Variants in NR2C2 observed in about 807,000 individuals in gnomAD.
The protein encoded by NR2C2 is nuclear receptor subfamily 2 group C member 2.
A neutral mutation model predicts 62.9 loss-of-function variants in NR2C2; 6 were observed. The ratio of observed to expected loss-of-function variants is 0.10; its 90% CI spans 0.05 to 0.19. NR2C2 has a LOEUF of 0.19. NR2C2 is among the 10% of genes least tolerant of loss of function. The probability of loss-of-function intolerance (pLI) is 1.00; values close to 1 mark genes in which losing one functional copy is unlikely to be tolerated. For synonymous variants in NR2C2, 272 were observed against 273.8 expected (o/e 0.99, Z 0.07); for missense variants, 479 against 762.7 (o/e 0.63, Z 4.38).
intron 13 of NR2C2, among the ~76,000 whole-genome samples, chr3:15,039,843 A>G (rs1289605652): frequency 6.6e-6 from 1 of 152,242 alleles, no homozygotes; most frequent in Non-Finnish European, 1.5e-5. Flanking sequence ...ATTAATGTGC[A>G]GTAAAAATAT....
At chr3:15,025,582 C>T (rs2041801666) in intron 7 of NR2C2, 1 of 152,220 alleles carries the variant, frequency 6.6e-6, no homozygotes, top group Admixed American at 6.5e-5. Context: ...ATATGCAAAG[C>T]ACCCACAGGA....
chr3:14,973,618 A>G (rs1171199703), intron 1 of NR2C2, among the ~76,000 whole-genome samples: 1 of 152,184 alleles, frequency 6.6e-6, no homozygotes, highest in East Asian at 1.9e-4. Context: ...GTATTGTATA[A>G]GGAGTCTGAC....
intron 7 of NR2C2, 45 bp from the exon 8 acceptor site, chr3:15,028,541 G>A: frequency 6.3e-7 from 1 of 1,587,934 alleles, no homozygotes; most frequent in Non-Finnish European, 8.6e-7. Flanking sequence ...AGAGTCATTT[G>A]CGTATCTGTG....
rs534417199 is a variant in NR2C2, at chr3:15,038,529, C to T, written c.1510+392C>T. On this transcript the variant is annotated intron_variant, in intron 12 of 13. Transcript: ENST00000425241. ...CACATTGAAGTTCCACTTGTTTGCC[C>T]ACAGACTGTGTATAGCACTGCAGAG... is the stretch of plus-strand genomic sequence containing the variant. 1.1e-4 allele frequency: 19 copies of T among 169,854 alleles called. No individual in the cohort carries two copies. In the South Asian group the frequency reaches 3.0e-3, roughly 27 times the overall value. 10.5% of individuals were successfully genotyped at this position (169,854 alleles called of 1,614,324 possible).
chr3:14,997,807 A>G (rs1366233924), intron 1 of NR2C2, among the ~76,000 whole-genome samples: 1 of 152,236 alleles, frequency 6.6e-6, no homozygotes, highest in Non-Finnish European at 1.5e-5. Flanking sequence ...TTCACATACC[A>G]TAAAATTCAT....
intron 1 of NR2C2, among the ~76,000 whole-genome samples, chr3:14,964,360 T>C (rs1284859061): frequency 6.6e-6 from 1 of 152,198 alleles, no homozygotes; most frequent in African/African-American, 2.4e-5. Context: ...TAAGGAATAA[T>C]TGCAAAGCAA....
At chr3:14,990,102 T>C (rs2040627542) in intron 1 of NR2C2, among the ~76,000 whole-genome samples, 1 of 152,098 alleles carries the variant, frequency 6.6e-6, no homozygotes, top group South Asian at 2.1e-4. Flanking sequence ...AGACCTTGTC[T>C]TTATTTAATA....
chr3:14,987,454 ATCAT>A (rs1204950066), intron 1 of NR2C2, among the ~76,000 whole-genome samples: 1 of 152,222 alleles, frequency 6.6e-6, no homozygotes, highest in Admixed American at 6.5e-5. Context: ...AGAAAATAAG[ATCAT>A]TCATACTGCT....
intron 1 of NR2C2, among the ~76,000 whole-genome samples, chr3:14,998,242 C>T (rs906398174): frequency 6.6e-6 from 1 of 152,130 alleles, no homozygotes. Flanking sequence ...TGTATACAAG[C>T]TTTTGTGTAG....
At chr3:14,995,048 A>T (rs1283575971) in intron 1 of NR2C2, among the ~76,000 whole-genome samples, 2 of 138,486 alleles carry the variant, frequency 1.4e-5, no homozygotes, top group African/African-American at 5.5e-5. Context: ...TTGCACAATC[A>T]TAGCTCACTG....
intron 1 of NR2C2, among the ~76,000 whole-genome samples, chr3:15,002,888 C>T (rs1184028802): frequency 6.6e-6 from 1 of 151,278 alleles, no homozygotes; most frequent in Non-Finnish European, 1.5e-5. Context: ...TAACTCCTGA[C>T]CTCAAGTGAT....
intron 1 of NR2C2, among the ~76,000 whole-genome samples, chr3:14,976,589 TCTTC>T (rs1240993071): frequency 1.3e-4 from 19 of 146,360 alleles, no homozygotes; most frequent in Admixed American, 6.8e-5. Flanking sequence ...CTTGAGTCTG[TCTTC>T]CTTCCTTCCT....
chr3:14,956,577 T>G, intron 1 of NR2C2, among the ~76,000 whole-genome samples: 1 of 152,184 alleles, frequency 6.6e-6, no homozygotes, highest in East Asian at 1.9e-4. Flanking sequence ...GAGTTTTACT[T>G]TTGTTGCCCA....
At chr3:14,974,736 T>TG (rs1206558609) in intron 1 of NR2C2, among the ~76,000 whole-genome samples, 1 of 152,036 alleles carries the variant, frequency 6.6e-6, no homozygotes, top group Non-Finnish European at 1.5e-5. Flanking sequence ...CCCAAGTAGC[T>TG]GGGATTACAG....
At chr3:15,006,776 CTTTTTTTTT>C (rs750432241) in intron 2 of NR2C2, among the ~76,000 whole-genome samples, 1 of 135,290 alleles carries the variant, frequency 7.4e-6, no homozygotes, top group African/African-American at 2.7e-5. Context: ...AGCCTTGAAT[CTTTTTTTTT>C]TTTTTTTTTA....
intron 1 of NR2C2, among the ~76,000 whole-genome samples, chr3:14,962,129 T>TA (rs998033096): frequency 3.3e-5 from 5 of 152,364 alleles, no homozygotes; most frequent in Admixed American, 6.5e-5. Context: ...ACCAAGCTGT[T>TA]ACAACCCTGG....
At chr3:14,979,621 G>A (rs62241837) in intron 1 of NR2C2, among the ~76,000 whole-genome samples, 10,935 of 152,164 alleles carry the variant, frequency 0.072, 431 homozygotes, top group Middle Eastern at 0.099. Context: ...AATTATTTGC[G>A]TGAGTGTCTG....
intron 13 of NR2C2, among the ~76,000 whole-genome samples, chr3:15,041,030 T>C (rs1188652296): frequency 6.6e-6 from 1 of 152,100 alleles, no homozygotes; most frequent in East Asian, 1.9e-4. Flanking sequence ...ACATCATGAG[T>C]CACTCCTGTC....
chr3:14,948,595 C>T (rs1035856306), intron 1 of NR2C2: 3 of 3,954 alleles, frequency 7.6e-4, no homozygotes, highest in Admixed American at 5.3e-3. Context: ...TCGGCGGGGG[C>T]GGGGCCGGGG....
Sources: allele counts gnomAD v4.1 joint callset (sites outside exome capture counted in the v4.1 genomes callset), GRCh38; gene constraint gnomAD v4.1.1; transcripts MANE v1.5; gene names NCBI Gene and HGNC (gene_info 2026-07-23, HGNC 2026-07-21).